Variants in FAP observed in about 807,000 individuals in gnomAD.
The protein encoded by FAP is fibroblast activation protein alpha.
FAP carries 110 observed loss-of-function variants against 126.5 expected under a neutral mutation model. That is an observed-to-expected ratio of 0.87 (90% CI 0.74 to 1.02). The LOEUF is 1.02. FAP is among the 50% of genes least tolerant of loss of function. The probability of loss-of-function intolerance (pLI) is 0.00; values close to 1 mark genes in which losing one functional copy is unlikely to be tolerated. For synonymous variants in FAP, 334 were observed against 297.3 expected (o/e 1.12, Z -1.27); for missense variants, 919 against 909.2 (o/e 1.01, Z -0.14).
chr2:162,217,700 T>C (rs758778609), intron 9 of FAP, among the ~76,000 whole-genome samples: 1 of 152,168 alleles, frequency 6.6e-6, no homozygotes, highest in Non-Finnish European at 1.5e-5. Context: ...GCATGAAATA[T>C]GAAAAAAATT....
At chr2:162,174,812 T>C (rs1410333229) in intron 22 of FAP, 55 bp downstream of exon 22, 3 of 1,223,966 alleles carry the variant, frequency 2.5e-6, no homozygotes, top group East Asian at 2.3e-5. Context: ...ACATCAGATA[T>C]AGAGTAATTA....
chr2:162,198,415 G>T (rs534993005), intron 16 of FAP: 2 of 1,177,254 alleles, frequency 1.7e-6, no homozygotes, highest in Non-Finnish European at 2.2e-6. Flanking sequence ...CCTAGCTGAC[G>T]GGTTGCCTCT....
intron 21 of FAP, among the ~76,000 whole-genome samples, chr2:162,180,663 G>A (rs1687665407): frequency 6.6e-6 from 1 of 152,180 alleles, no homozygotes; most frequent in South Asian, 2.1e-4. Context: ...CAGGAACAGG[G>A]GGAGGTTGAA....
intron 12 of FAP, chr2:162,209,680 AG>A (rs947741960): frequency 3.3e-5 from 12 of 368,410 alleles, no homozygotes; most frequent in African/African-American, 2.3e-4. Context: ...TTGTTTAAAA[AG>A]TAATATTAGT....
intron 25 of FAP, chr2:162,171,678 C>T (rs1467647170): frequency 6.6e-6 from 1 of 152,124 alleles, no homozygotes; most frequent in Non-Finnish European, 1.5e-5. Context: ...ATAAAGGTAT[C>T]AGTGGTCACG....
At chr2:162,177,679 C>T (rs916789541) in intron 21 of FAP, among the ~76,000 whole-genome samples, 19 of 152,126 alleles carry the variant, frequency 1.2e-4, no homozygotes, top group Non-Finnish European at 1.8e-4. Context: ...TAGCGCTTAA[C>T]GTCATTTAAC....
chr2:162,189,725 A>G lies in FAP; in HGVS notation c.1480T>C (p.Leu494=). The G allele has an allele frequency of 6.3e-7, 1 of 1,588,024 alleles. No individual in the cohort carries two copies. The highest frequency in any genetic ancestry group is 8.6e-7 in the Non-Finnish European group (1 of 1,164,120). ...EIKILEENKE[L]ENALKNIQLP... is the part of the protein sequence containing the mutation. ...TGGATATTTTTCAAAGCATTTTCCAATTCCTTGTTTTCTTCCAGGATTTTA... is the reference window on the plus strand; with the variant it reads ...TGGATATTTTTCAAAGCATTTTCCAGTTCCTTGTTTTCTTCCAGGATTTTA... Residue 494 remains leucine (L), a synonymous_variant, in exon 18 of 26, where the codon TTG becomes CTG. Coordinates refer to ENST00000188790, the MANE Select transcript of FAP (RefSeq NM_004460.5).
intron 21 of FAP, among the ~76,000 whole-genome samples, chr2:162,181,282 A>G (rs972535081): frequency 6.6e-6 from 1 of 152,150 alleles, no homozygotes; most frequent in South Asian, 2.1e-4. Context: ...GTCTCAAAAA[A>G]GAAAAAAAAT....
At chr2:162,186,293 C>T (rs1687865194) in intron 20 of FAP, among the ~76,000 whole-genome samples, 1 of 152,066 alleles carries the variant, frequency 6.6e-6, no homozygotes. Flanking sequence ...CAGATTCCAT[C>T]CTAAAAATGG....
chr2:162,213,661 T>C (rs904759638), intron 11 of FAP, among the ~76,000 whole-genome samples: 2 of 152,170 alleles, frequency 1.3e-5, no homozygotes, highest in African/African-American at 2.4e-5. Context: ...ACCATTATAA[T>C]TGAGAACCAG....
intron 25 of FAP, chr2:162,172,106 AAAAG>A (rs1687325645): frequency 1.3e-5 from 2 of 152,194 alleles, no homozygotes; most frequent in East Asian, 3.9e-4. Flanking sequence ...ACAAATGTTG[AAAAG>A]ATGGGGGTCT....
chr2:162,199,945 A>C (rs778838418), intron 15 of FAP, among the ~76,000 whole-genome samples: 1 of 152,212 alleles, frequency 6.6e-6, no homozygotes, highest in Non-Finnish European at 1.5e-5. Flanking sequence ...GCCCAGGTAC[A>C]AATCCTGGCT....
intron 17 of FAP, among the ~76,000 whole-genome samples, chr2:162,190,425 A>G (rs1228515872): frequency 1.3e-5 from 2 of 151,704 alleles, no homozygotes; most frequent in Non-Finnish European, 3.0e-5. Context: ...AACACACACT[A>G]TGCTCTTTCT....
intron 15 of FAP, among the ~76,000 whole-genome samples, chr2:162,199,105 T>A (rs539533893): frequency 1.3e-5 from 2 of 152,316 alleles, no homozygotes; most frequent in African/African-American, 4.8e-5. Context: ...AGAAGCCCTA[T>A]GTGGTTTCCC....
intron 6 of FAP, chr2:162,221,795 C>G: frequency 2.2e-6 from 1 of 453,678 alleles, no homozygotes; most frequent in South Asian, 1.6e-5. Context: ...TTTTGCCTAC[C>G]TAGCTTGAAA....
At chr2:162,197,503 A>G (rs915367453) in intron 16 of FAP, 8 of 455,738 alleles carry the variant, frequency 1.8e-5, no homozygotes, top group Admixed American at 1.4e-4. Flanking sequence ...GTCATGAACA[A>G]CAATCTCTTG....
intron 2 of FAP, among the ~76,000 whole-genome samples, chr2:162,234,461 T>C (rs1690022727): frequency 6.6e-6 from 1 of 152,200 alleles, no homozygotes; most frequent in African/African-American, 2.4e-5. Context: ...GTATTGTTAG[T>C]TCTAATAGTT....
chr2:162,217,913 C>T lies in FAP; in HGVS notation c.762+73G>A, dbSNP rs1038073731. 8.1e-6 allele frequency: 10 copies of T among 1,241,314 alleles called. No homozygotes were observed. The Admixed American group carries it at 9.3e-5, about 12-fold the overall frequency. 76.9% of individuals were successfully genotyped at this position (1,241,314 alleles called of 1,614,324 possible). A position where few individuals can be genotyped will look rare whatever the true frequency, so the allele number is the denominator to read the frequency against. On this transcript the variant is annotated intron_variant, in intron 9 of 25. Coordinates refer to ENST00000188790, the MANE Select transcript of FAP (RefSeq NM_004460.5). ...AGCTCTCCAAACTTGTTGATCCCAC[C>T]TTTACTCATGGTAAATCATTGCTCA...
intron 2 of FAP, among the ~76,000 whole-genome samples, chr2:162,238,456 C>T (rs576976709): frequency 4.0e-4 from 61 of 152,172 alleles, no homozygotes; most frequent in Middle Eastern, 3.4e-3. Flanking sequence ...TAGAATTTGG[C>T]GAAACTCAAA....
Sources: gnomAD v4.1 joint callset for allele counts (sites outside exome capture counted in the v4.1 genomes callset) on GRCh38, gnomAD v4.1.1 for gene constraint, MANE v1.5 for transcripts, NCBI Gene and HGNC (gene_info 2026-07-23, HGNC 2026-07-21) for gene names.